Variants in TRPM2 observed in about 807,000 individuals in gnomAD.
The protein encoded by TRPM2 is transient receptor potential cation channel subfamily M member 2, also known as estrogen-responsive element-associated gene 1 protein.
TRPM2 carries 161 observed loss-of-function variants against 174.0 expected under a neutral mutation model. That is an observed-to-expected ratio of 0.93 (90% CI 0.81 to 1.05). The LOEUF is 1.05. TRPM2 is among the 50% of genes least tolerant of loss of function. TRPM2 has a pLI of 0.00. For missense variants in TRPM2, 2,057 were observed against 2,038.0 expected (o/e 1.01, Z -0.18); for synonymous variants, 954 against 861.3 (o/e 1.11, Z -1.88).
chr21:44,437,816 T>A (rs1164680985), intron 29 of TRPM2, among the ~76,000 whole-genome samples: 1 of 152,186 alleles, frequency 6.6e-6, no homozygotes, highest in East Asian at 1.9e-4. Flanking sequence ...TCCGCAGCCC[T>A]CCAGCCCGCT....
At chr21:44,425,106 C>G in intron 24 of TRPM2, 167 bp downstream of exon 24, 1 of 634,060 alleles carries the variant, frequency 1.6e-6, no homozygotes, top group Non-Finnish European at 2.7e-6. Flanking sequence ...CTCAGCCCAC[C>G]CACCGACGCT....
rs1426093142 is a variant in TRPM2, at chr21:44,388,064, C to G, written c.1319-2840C>G. Among the ~76,000 whole-genome samples, 9 of 152,106 alleles carry G rather than the reference C, an allele frequency of 5.9e-5. No homozygotes were observed. In the East Asian group the frequency reaches 1.7e-3, roughly 29 times the overall value. On this transcript the variant is annotated intron_variant, in intron 9 of 31. Transcript: ENST00000397928. Reference sequence around the variant, plus strand: ...TCAGATACATATGCCACTCCCCACCCCCAAATTTAAAGCAGGGTCTGGAAG... The same window carrying G: ...TCAGATACATATGCCACTCCCCACCGCCAAATTTAAAGCAGGGTCTGGAAG...
intron 8 of TRPM2, among the ~76,000 whole-genome samples, 165 bp downstream of exon 8, chr21:44,379,362 T>C (rs1266623611): frequency 6.6e-6 from 1 of 152,184 alleles, no homozygotes; most frequent in Non-Finnish European, 1.5e-5. Flanking sequence ...GTAAACCTCC[T>C]GGCTGGGTTC....
intron 9 of TRPM2, among the ~76,000 whole-genome samples, chr21:44,389,323 TTC>T (rs2049104739): frequency 6.6e-6 from 1 of 152,212 alleles, no homozygotes; most frequent in African/African-American, 2.4e-5. Flanking sequence ...TGTTTTTCCA[TTC>T]ATCTGTTGGG....
intron 28 of TRPM2, 67 bp from the exon 29 acceptor site, chr21:44,436,995 C>G: frequency 6.9e-7 from 1 of 1,443,602 alleles, no homozygotes; most frequent in Non-Finnish European, 9.4e-7. Context: ...GGGCCAGCCC[C>G]GCCGCGGCGC....
In TRPM2 at chr21:44,394,233, C is replaced by T. The variant is rs534919212; in HGVS notation, c.1795-1181C>T. Among the ~76,000 whole-genome samples the T allele has an allele frequency of 1.3e-4, 19 of 151,480 alleles. No individual in the cohort carries two copies. The East Asian group carries it at 2.2e-3, about 17-fold the overall frequency. ...TTAAGTCCAGTGCGTTTATTTAAGA[C>T]GCTCAGTTGGAATATGCTTAGGAAG... On this transcript the variant is annotated intron_variant, in intron 11 of 31. Transcript: ENST00000397928.
intron 15 of TRPM2, among the ~76,000 whole-genome samples, chr21:44,401,037 G>T (rs572984649): frequency 4.1e-4 from 62 of 152,256 alleles, no homozygotes; most frequent in African/African-American, 1.2e-3. Flanking sequence ...TTCTCCTCAC[G>T]GCCAGGATGG....
intron 28 of TRPM2, 88 bp downstream of exon 28, chr21:44,435,305 G>A: frequency 1.4e-6 from 2 of 1,424,026 alleles, no homozygotes; most frequent in Non-Finnish European, 1.9e-6. Context: ...CAGTGCTCAG[G>A]GGCCGGGAGG....
At chr21:44,392,066 G>C (rs1474920950) in intron 11 of TRPM2, among the ~76,000 whole-genome samples, 1 of 152,196 alleles carries the variant, frequency 6.6e-6, no homozygotes, top group Middle Eastern at 3.4e-3. Context: ...CCAGGCTCAA[G>C]CAATCCTCCC....
At chr21:44,368,671 A>T (rs2048430792) in intron 4 of TRPM2, among the ~76,000 whole-genome samples, 1 of 151,680 alleles carries the variant, frequency 6.6e-6, no homozygotes, top group South Asian at 2.1e-4. Context: ...ACCTCAGGTG[A>T]TCTGCCCGCC....
Position 44,391,124 on chromosome 21 carries a change from G to A in TRPM2, c.1440+99G>A, listed in dbSNP as rs1474868529. 10 of 1,579,436 alleles carry A rather than the reference G, an allele frequency of 6.3e-6. No individual in the cohort carries two copies. The highest frequency in any genetic ancestry group is 8.6e-6 in the Non-Finnish European group (10 of 1,158,310). ...CAAAGTTCGCATTGTCTGGATCCCA[G>A]CCCTTCCCTTGAGGGTGGGTGACCT... On this transcript the variant is annotated intron_variant, in intron 10 of 31. Coordinates refer to ENST00000397928, the MANE Select transcript of TRPM2 (RefSeq NM_003307.4). The surrounding 1 kb of genome is among the most constrained non-coding windows in gnomAD (Gnocchi z 5.0).
chr21:44,437,220 C>T (rs781391378), intron 29 of TRPM2, 53 bp downstream of exon 29: 8 of 1,482,158 alleles, frequency 5.4e-6, no homozygotes, highest in African/African-American at 1.4e-5. Context: ...GTGGGTCACT[C>T]GTCCATTCAT....
rs950641239 is a variant in TRPM2, at chr21:44,438,669, G to A, written c.4168-398G>A. ...GGCCGGGGTGGGACTGGGAGAGACG[G>A]GAATGCAAACAGGGAACCCGCCGTG... On this transcript the variant is annotated intron_variant, in intron 29 of 31. Coordinates refer to ENST00000397928, the MANE Select transcript of TRPM2 (RefSeq NM_003307.4). This position sits in a 1 kb window ranked among gnomAD's most constrained non-coding sequence, Gnocchi z 5.9. 6.6e-6 allele frequency among the ~76,000 whole-genome samples: 1 copy of A among 152,178 alleles called. No individual in the cohort carries two copies. Among genetic ancestry groups the A allele is most frequent in the African/African-American group, 2.4e-5 (1 of 41,444 alleles).
At chr21:44,408,216 G>A (rs1449529684) in intron 19 of TRPM2, among the ~76,000 whole-genome samples, 2 of 152,102 alleles carry the variant, frequency 1.3e-5, no homozygotes, top group Admixed American at 6.6e-5. Flanking sequence ...CAAAGTGCTG[G>A]GATGACAGGT....
rs779939516 is a variant in TRPM2, at chr21:44,353,791, T to A, written c.91T>A (p.Ser31Thr). The A allele has an allele frequency of 5.2e-5, 83 of 1,604,262 alleles. No homozygotes were observed. The highest frequency in any genetic ancestry group is 6.9e-5 in the Non-Finnish European group (81 of 1,176,094). Residue 31 changes from serine (S) to threonine (T), a missense_variant, in exon 1 of 32, where the codon TCC becomes ACC. Physicochemically the swap from Ser to Thr is moderately conservative, Grantham distance 58. Coordinates refer to ENST00000397928, the MANE Select transcript of TRPM2 (RefSeq NM_003307.4). ...AAGGGTCACTGACCTGGGGATGGTC[T>A]CCAATCTCCGGCGCAGCAACAGCAG... Reference protein sequence around the residue: ...PRRVTDLGMVSNLRRSNSSLF... With the variant: ...PRRVTDLGMVTNLRRSNSSLF...
intron 5 of TRPM2, 117 bp from the exon 6 acceptor site, chr21:44,375,716 C>G: frequency 8.2e-7 from 1 of 1,213,976 alleles, no homozygotes; most frequent in Admixed American, 2.8e-5. Flanking sequence ...AATAAGGCCA[C>G]GTCCACAGAT....
At position 44,428,625 on chromosome 21, in the gene TRPM2, CCCCTGAGGTGTGGCTCCT is replaced by C. The variant is rs1407850667; in HGVS notation, c.3974+1536_3974+1553del. 5.3e-5 allele frequency among the ~76,000 whole-genome samples: 8 copies of C among 150,474 alleles called. No homozygotes were observed. In the East Asian group the frequency reaches 5.9e-4, roughly 11 times the overall value. On this transcript the variant is annotated intron_variant, in intron 27 of 31. Coordinates refer to ENST00000397928, the MANE Select transcript of TRPM2 (RefSeq NM_003307.4). Reference sequence around the variant, plus strand: ...GCTCCTCCCCTTAGGTCTGGCCCCTCCCCTGAGGTGTGGCTCCTCCCTGAGGTGTGGCTCCTCCCCTTA... The same window carrying C: ...GCTCCTCCCCTTAGGTCTGGCCCCTCCCCTGAGGTGTGGCTCCTCCCCTTA...
chr21:44,373,724 A>G (rs1381276598), intron 5 of TRPM2, among the ~76,000 whole-genome samples: 5 of 151,822 alleles, frequency 3.3e-5, no homozygotes, highest in Admixed American at 3.3e-4. Flanking sequence ...TTCCTTTTGC[A>G]TTTTGTGAGA....
At chr21:44,406,541 C>T in intron 18 of TRPM2, 53 bp from the exon 19 acceptor site, 1 of 1,556,064 alleles carries the variant, frequency 6.4e-7, no homozygotes, top group Non-Finnish European at 8.6e-7. Context: ...CCTCTGGGCC[C>T]AGTGAGCATC....
Sources: allele counts gnomAD v4.1 joint callset (sites outside exome capture counted in the v4.1 genomes callset), GRCh38; gene constraint gnomAD v4.1.1; non-coding constraint Gnocchi (gnomAD v3.1); transcripts MANE v1.5; gene names NCBI Gene and HGNC (gene_info 2026-07-23, HGNC 2026-07-21).